ST7: variants seen among roughly 807,000 people sequenced by gnomAD.
The protein encoded by ST7 is suppressor of tumorigenicity 7 protein.
A neutral mutation model predicts 78.7 loss-of-function variants in ST7; 28 were observed. The ratio of observed to expected loss-of-function variants is 0.36; its 90% CI spans 0.26 to 0.49. The LOEUF (loss-of-function observed/expected upper bound fraction) is 0.49. Among genes scored for constraint, ST7 ranks in the 20% least tolerant of loss-of-function variants. The pLI is 0.99. For missense variants in ST7, 418 were observed against 696.0 expected, an observed-to-expected ratio of 0.60 and a Z score of 4.49; for synonymous variants, 247 against 249.6, an observed-to-expected ratio of 0.99 and a Z score of 0.10.
At chr7:117,004,011 T>C (rs548391410) in intron 1 of ST7, among the ~76,000 whole-genome samples, 5 of 152,354 alleles carry the variant, frequency 3.3e-5, no homozygotes, top group African/African-American at 4.8e-5. Flanking sequence ...ACCTTTTAAA[T>C]TGAAAAGACT....
chr7:117,216,804 A>G (rs945600047), intron 13 of ST7, among the ~76,000 whole-genome samples: 2 of 142,530 alleles, frequency 1.4e-5, no homozygotes, highest in African/African-American at 2.5e-5. Flanking sequence ...GGCAACTGAC[A>G]TGAGAGAGAT....
chr7:117,097,908 A>ATATATATATTTTTTTTTTTTTT, intron 1 of ST7, among the ~76,000 whole-genome samples: 1 of 30,020 alleles, frequency 3.3e-5, no homozygotes, highest in Non-Finnish European at 5.4e-5. Context: ...ATATATATAT[A>ATATATATATTTTTTTTTTTTTT]TTTTTTTTTT....
chr7:117,089,465 A>G (rs1256744298), intron 1 of ST7, among the ~76,000 whole-genome samples: 1 of 152,162 alleles, frequency 6.6e-6, no homozygotes, highest in African/African-American at 2.4e-5. Context: ...GACAAAAATA[A>G]CATGAAGAAG....
chr7:117,038,388 T>G (rs1405852930), intron 1 of ST7, among the ~76,000 whole-genome samples: 1 of 152,218 alleles, frequency 6.6e-6, no homozygotes, highest in Non-Finnish European at 1.5e-5. Context: ...AAGCAATTTT[T>G]TTTAACATGT....
chr7:116,973,417 C>G (rs1379763553), intron 1 of ST7, among the ~76,000 whole-genome samples: 1 of 152,152 alleles, frequency 6.6e-6, no homozygotes, highest in African/African-American at 2.4e-5. Flanking sequence ...GCCACCACGT[C>G]AGACTACTTT....
At chr7:117,081,892 TGAGAGAGA>T (rs142782899) in intron 1 of ST7, among the ~76,000 whole-genome samples, 1 of 146,978 alleles carries the variant, frequency 6.8e-6, no homozygotes, top group Non-Finnish European at 1.5e-5. Flanking sequence ...AAATAGAGAT[TGAGAGAGA>T]GAGAGAGAGA....
intron 1 of ST7, chr7:117,076,554 T>C (rs1367384627): frequency 6.6e-6 from 1 of 152,202 alleles, no homozygotes; most frequent in South Asian, 2.1e-4. Flanking sequence ...GGAACTGGAG[T>C]GCATGAGCGC....
At chr7:117,160,653 G>GTGTGTGTATATATATATATA (rs150222080) in intron 9 of ST7, among the ~76,000 whole-genome samples, 2 of 147,622 alleles carry the variant, frequency 1.4e-5, no homozygotes, top group African/African-American at 5.0e-5. Flanking sequence ...GTGTGTGTGT[G>GTGTGTGTATATATATATATA]TATATATATA....
At chr7:117,012,716 T>A (rs10808185) in intron 1 of ST7, among the ~76,000 whole-genome samples, 147,675 of 150,316 alleles carry the variant, frequency 0.98, 72,601 homozygotes, top group South Asian at 1. Context: ...CTATCTAGTA[T>A]GTAAGTAAAC....
At position 117,099,062 on chromosome 7, in the gene ST7, AAAAC is replaced by A. The variant is rs1219647911; in HGVS notation, c.152-696_152-693del. Among the ~76,000 whole-genome samples the A allele has an allele frequency of 3.9e-3, 549 of 142,346 alleles. 35 individuals carry two copies. The highest frequency in any genetic ancestry group is 0.014 in the African/African-American group (498 of 36,366). 93.4% of individuals were successfully genotyped at this position (142,346 alleles called of 152,430 possible). A position where few individuals can be genotyped will look rare whatever the true frequency, so the allele number is the denominator to read the frequency against. On this transcript the variant is annotated intron_variant, in intron 1 of 15. Transcript: ENST00000323984. ...TCACTTTCGCAAAAAAAAAAAAAAA[AAAAC>A]AAAAAAAAAAGAAGAAGAAGAAGGT... is the stretch of plus-strand genomic sequence containing the variant.
chr7:116,956,150 G>C (rs1475843528), intron 1 of ST7, among the ~76,000 whole-genome samples: 1 of 152,142 alleles, frequency 6.6e-6, no homozygotes, highest in Non-Finnish European at 1.5e-5. Flanking sequence ...AGACATTAGA[G>C]GCCTATTTTC....
chr7:117,059,824 A>C (rs1798257530), intron 1 of ST7, among the ~76,000 whole-genome samples: 1 of 150,978 alleles, frequency 6.6e-6, no homozygotes, highest in Admixed American at 6.6e-5. Flanking sequence ...AAAAAAAAAA[A>C]AAAAAAAAAT....
intron 1 of ST7, among the ~76,000 whole-genome samples, chr7:116,994,388 A>G (rs978993345): frequency 2.6e-5 from 4 of 152,244 alleles, no homozygotes; most frequent in African/African-American, 9.6e-5. Flanking sequence ...TCACTCTCTG[A>G]GATTCAAAGA....
At chr7:117,218,408 G>T (rs1307209762) in intron 13 of ST7, among the ~76,000 whole-genome samples, 1 of 152,190 alleles carries the variant, frequency 6.6e-6, no homozygotes, top group Non-Finnish European at 1.5e-5. Flanking sequence ...CCGTAATTCA[G>T]TGTGAGCCCT....
intron 1 of ST7, among the ~76,000 whole-genome samples, chr7:117,099,495 G>A (rs1036282711): frequency 6.6e-5 from 10 of 152,088 alleles, no homozygotes; most frequent in Admixed American, 1.3e-4. Flanking sequence ...CATGAAAACC[G>A]TTATCAACAA....
At chr7:117,170,691 A>G (rs1046567604) in intron 9 of ST7, among the ~76,000 whole-genome samples, 171 bp from the exon 10 acceptor site, 2 of 152,196 alleles carry the variant, frequency 1.3e-5, no homozygotes, top group African/African-American at 4.8e-5. Flanking sequence ...AAATAAATAA[A>G]TAAATAAGAA....
At chr7:117,207,927 A>G (rs1791926337) in intron 12 of ST7, among the ~76,000 whole-genome samples, 1 of 151,994 alleles carries the variant, frequency 6.6e-6, no homozygotes, top group South Asian at 2.1e-4. Flanking sequence ...AACACTTTAC[A>G]AGTTATTTAT....
chr7:116,966,247 C>CTTTTTTTTTTTT (rs374887005), intron 1 of ST7: 20 of 178,532 alleles, frequency 1.1e-4, no homozygotes, highest in South Asian at 1.4e-4. Flanking sequence ...TTTTTTCTTT[C>CTTTTTTTTTTTT]TTTTTTTTTT....
chr7:117,008,761 T>C (rs138148631), intron 1 of ST7, among the ~76,000 whole-genome samples: 4 of 152,294 alleles, frequency 2.6e-5, no homozygotes, highest in African/African-American at 9.6e-5. Flanking sequence ...AGAGACCTAA[T>C]TGAAGATTAG....
Sources: allele counts gnomAD v4.1 joint callset (sites outside exome capture counted in the v4.1 genomes callset), GRCh38; gene constraint gnomAD v4.1.1; transcripts MANE v1.5; gene names NCBI Gene and HGNC (gene_info 2026-07-23, HGNC 2026-07-21).